PCDHA8: variants seen among roughly 807,000 people sequenced by gnomAD.
The protein encoded by PCDHA8 is protocadherin alpha-8.
PCDHA8 carries 53 observed loss-of-function variants against 61.8 expected under a neutral mutation model. The ratio of observed to expected loss-of-function variants is 0.86; its 90% CI spans 0.69 to 1.08. The LOEUF is 1.08. Among genes scored for constraint, PCDHA8 ranks in the 50% least tolerant of loss-of-function variants. The pLI is 0.00. For synonymous variants in PCDHA8, 618 were observed against 556.6 expected, an observed-to-expected ratio of 1.11 and a Z score of -1.55; for missense variants, 1,293 against 1,245.0, an observed-to-expected ratio of 1.04 and a Z score of -0.58.
rs781883995 is a variant in PCDHA8, at chr5:140,876,273, C to A, written c.2394+32558C>A. Reference sequence around the variant, plus strand: ...CAAGAGTGATCCAACTAAATGCTTCCGATCCAGACGAAGGACTTAATGGAG... The same window carrying A: ...CAAGAGTGATCCAACTAAATGCTTCAGATCCAGACGAAGGACTTAATGGAG... On this transcript the variant is annotated intron_variant, in intron 1 of 3. Coordinates refer to ENST00000531613, the MANE Select transcript of PCDHA8 (RefSeq NM_018911.3). 6.8e-6 allele frequency: 11 copies of A among 1,613,984 alleles called. No individual in the cohort carries two copies. The South Asian group carries it at 1.2e-4, about 18-fold the overall frequency.
At chr5:140,959,585 C>A (rs1363843588) in intron 1 of PCDHA8, among the ~76,000 whole-genome samples, 1 of 152,004 alleles carries the variant, frequency 6.6e-6, no homozygotes, top group Non-Finnish European at 1.5e-5. Context: ...TCAATTCTAT[C>A]AGCCAAGTAT....
chr5:141,010,315 T>G lies in PCDHA8; in HGVS notation c.*378T>G. ...AGGGCAGGCTGAAAAGTTTTGAGAT[T>G]GAGCAGCTTGGGAGTTTGTGGCCAC... On this transcript the variant is annotated 3_prime_UTR_variant, in exon 4 of 4. Transcript: ENST00000531613. 2.6e-6 allele frequency: 4 copies of G among 1,546,626 alleles called. No homozygotes were observed. Among genetic ancestry groups the G allele is most frequent in the Non-Finnish European group, 3.5e-6 (4 of 1,145,530 alleles).
chr5:140,911,971 C>G (rs1041878022), intron 1 of PCDHA8, among the ~76,000 whole-genome samples: 5 of 152,266 alleles, frequency 3.3e-5, no homozygotes, highest in African/African-American at 1.2e-4. Flanking sequence ...GGAGTATTAA[C>G]TCACATGATC....
At chr5:140,928,592 T>A in intron 1 of PCDHA8, 1 of 1,614,178 alleles carries the variant, frequency 6.2e-7, no homozygotes, top group Non-Finnish European at 8.5e-7. Flanking sequence ...TCTGTCCCAG[T>A]GGAAATTGTG....
chr5:140,951,551 A>C (rs246040), intron 1 of PCDHA8, among the ~76,000 whole-genome samples: 2 of 151,590 alleles, frequency 1.3e-5, no homozygotes, highest in African/African-American at 4.8e-5. Flanking sequence ...GACGGGGGGA[A>C]GTGCTACGCA....
intron 1 of PCDHA8, among the ~76,000 whole-genome samples, chr5:140,893,780 C>T (rs966071281): frequency 4.6e-5 from 7 of 151,980 alleles, no homozygotes; most frequent in Admixed American, 6.6e-5. Context: ...TTTCTTTTAC[C>T]GTTTTTAGAA....
At chr5:140,891,819 G>C (rs1282245838) in intron 1 of PCDHA8, among the ~76,000 whole-genome samples, 3 of 152,098 alleles carry the variant, frequency 2.0e-5, no homozygotes, top group African/African-American at 7.2e-5. Context: ...ATAAATTAAC[G>C]GCACTGTAAA....
chr5:140,884,766 T>G, intron 1 of PCDHA8: 1 of 1,416,492 alleles, frequency 7.1e-7, no homozygotes, highest in Non-Finnish European at 9.3e-7. Context: ...TTCTTTACTT[T>G]AATTTTAATT....
chr5:140,886,843 A>G (rs1247447766), intron 1 of PCDHA8, among the ~76,000 whole-genome samples: 8 of 150,852 alleles, frequency 5.3e-5, no homozygotes, highest in African/African-American at 1.5e-4. Flanking sequence ...AAAAAAAAAA[A>G]AAAAGAAAGG....
chr5:140,944,419 T>C (rs2093656334), intron 1 of PCDHA8, among the ~76,000 whole-genome samples: 2 of 152,184 alleles, frequency 1.3e-5, no homozygotes, highest in South Asian at 4.1e-4. Flanking sequence ...ACTCCTGATC[T>C]GAAGTGGTCT....
At chr5:140,871,057 G>A (rs1554165044) in intron 1 of PCDHA8, 7 of 1,613,300 alleles carry the variant, frequency 4.3e-6, no homozygotes, top group Non-Finnish European at 5.9e-6. Flanking sequence ...ACTGGTGAAG[G>A]ATCACGGTGA....
At chr5:140,952,529 G>A (rs1404753711) in intron 1 of PCDHA8, among the ~76,000 whole-genome samples, 1 of 152,084 alleles carries the variant, frequency 6.6e-6, no homozygotes, top group East Asian at 1.9e-4. Context: ...GACCTCCTCA[G>A]ACTGGACTTC....
intron 1 of PCDHA8, among the ~76,000 whole-genome samples, chr5:140,881,132 T>C (rs1215831856): frequency 1.3e-5 from 2 of 152,218 alleles, no homozygotes; most frequent in African/African-American, 4.8e-5. Flanking sequence ...TTGGTAGAGA[T>C]AGTTATAACA....
Position 141,010,435 on chromosome 5 carries a change from A to C in PCDHA8, c.*498A>C. 1 of 1,039,068 alleles carries C rather than the reference A, an allele frequency of 9.6e-7. No individual in the cohort carries two copies. The highest frequency in any genetic ancestry group is 1.4e-6 in the Non-Finnish European group (1 of 739,892). The allele number at this position is 1,039,068 out of a possible 1,614,324, so 64.4% of individuals were successfully genotyped here. A position where few individuals can be genotyped will look rare whatever the true frequency, so the allele number is the denominator to read the frequency against. On this transcript the variant is annotated 3_prime_UTR_variant, in exon 4 of 4. Transcript: ENST00000531613. ...TGGTACAAGGAAGGCAAGAAAACAA[A>C]GACAAATAAACAGCGGAAGTTATCA...
At chr5:140,919,014 A>G (rs1008657889) in intron 1 of PCDHA8, among the ~76,000 whole-genome samples, 1 of 152,184 alleles carries the variant, frequency 6.6e-6, no homozygotes, top group Non-Finnish European at 1.5e-5. Context: ...TTCATTTCCT[A>G]GTGATCTTCT....
At chr5:140,857,138 G>A in intron 1 of PCDHA8, 2 of 1,598,300 alleles carry the variant, frequency 1.3e-6, no homozygotes, top group Non-Finnish European at 1.7e-6. Context: ...AGATGCTCAA[G>A]TGGGCACCGT....
At chr5:140,983,018 A>T (rs2097022598) in intron 3 of PCDHA8, among the ~76,000 whole-genome samples, 1 of 152,096 alleles carries the variant, frequency 6.6e-6, no homozygotes, top group African/African-American at 2.4e-5. Flanking sequence ...GGAAGGAAGG[A>T]AGGAAGATGG....
intron 1 of PCDHA8, chr5:140,876,965 G>C (rs1554169161): frequency 1.9e-6 from 3 of 1,612,976 alleles, no homozygotes; most frequent in East Asian, 2.2e-5. Flanking sequence ...GTGGAGCGGC[G>C]GGTGGGCGAG....
chr5:140,967,201 A>G (rs1554229306), intron 1 of PCDHA8: 7 of 1,613,620 alleles, frequency 4.3e-6, no homozygotes, highest in Non-Finnish European at 5.9e-6. Flanking sequence ...ACGACAACTC[A>G]CCGCGTTTCC....
Sources: allele counts gnomAD v4.1 joint callset (sites outside exome capture counted in the v4.1 genomes callset), GRCh38; gene constraint gnomAD v4.1.1; transcripts MANE v1.5; gene names NCBI Gene and HGNC (gene_info 2026-07-23, HGNC 2026-07-21).